ZC3H14: variants seen among roughly 807,000 people sequenced by gnomAD.
ZC3H14 encodes zinc finger CCCH-type containing 14, also known as zinc finger CCCH domain-containing protein 14.
ZC3H14 carries 31 observed loss-of-function variants against 92.4 expected under a neutral mutation model. That is an observed-to-expected ratio of 0.34 (90% CI 0.25 to 0.45). ZC3H14 has a LOEUF of 0.45. ZC3H14 is among the 20% of genes least tolerant of loss of function. The pLI is 1.00. For synonymous variants in ZC3H14, 321 were observed against 300.9 expected, an observed-to-expected ratio of 1.07 and a Z score of -0.69; for missense variants, 781 against 897.3, an observed-to-expected ratio of 0.87 and a Z score of 1.66.
At chr14:88,611,489 C>T (rs2086743865) in intron 16 of ZC3H14, among the ~76,000 whole-genome samples, 1 of 152,262 alleles carries the variant, frequency 6.6e-6, no homozygotes, top group Non-Finnish European at 1.5e-5. Flanking sequence ...CATCCATTTT[C>T]TTCGACATTA....
chr14:88,609,579 G>T, intron 14 of ZC3H14, 133 bp from the exon 15 acceptor site: 1 of 1,361,122 alleles, frequency 7.3e-7, no homozygotes, highest in South Asian at 1.2e-5. Flanking sequence ...GAAGTATTTT[G>T]ACTAGTGAAT....
chr14:88,571,894 T>C, intron 4 of ZC3H14, 136 bp from the exon 5 acceptor site: 1 of 582,864 alleles, frequency 1.7e-6, no homozygotes, highest in Non-Finnish European at 2.7e-6. Context: ...AACCAGGGAT[T>C]TGGAGGTTGC....
intron 12 of ZC3H14, among the ~76,000 whole-genome samples, chr14:88,604,623 T>G (rs2085099179): frequency 6.8e-6 from 1 of 146,796 alleles, no homozygotes; most frequent in African/African-American, 2.5e-5. Flanking sequence ...TGAGATAGAG[T>G]CTCTCTGTCC....
rs766543804 is a variant in ZC3H14 at position 88,610,928 on chromosome 14, G to A, written c.2192G>A (p.Arg731Gln). The change falls in exon 16 of 17, where the codon CGA (arginine) becomes CAA (glutamine). Residue 731 changes from arginine to glutamine, a missense_variant. Arg to Gln is a conservative substitution (Grantham distance 43). Transcript: ENST00000251038. The part of the protein sequence containing the change: ...VPPRHALKWI[R>Q]PQTSE Reference sequence around the variant, plus strand: ...CCACGACATGCCTTGAAATGGATTCGACCTCAAACCAGGTAAACATTCAAA... The same window carrying A: ...CCACGACATGCCTTGAAATGGATTCAACCTCAAACCAGGTAAACATTCAAA... 5.0e-6 allele frequency: 8 copies of A among 1,613,914 alleles called. 1 individual carries two copies. Among genetic ancestry groups the A allele is most frequent in the South Asian group, 2.2e-5 (2 of 91,076 alleles).
At chr14:88,582,538 T>C (rs1034732310) in intron 9 of ZC3H14, among the ~76,000 whole-genome samples, 6 of 152,214 alleles carry the variant, frequency 3.9e-5, no homozygotes, top group Non-Finnish European at 5.9e-5. Flanking sequence ...AAAAAGCACA[T>C]AGTGGTTGCT....
In ZC3H14 at chr14:88,615,168, G is replaced by GT. The variant is rs1343237602; in HGVS notation, c.*3418dup. On this transcript the variant is annotated 3_prime_UTR_variant, in exon 17 of 17. Coordinates refer to ENST00000251038, the MANE Select transcript of ZC3H14 (RefSeq NM_024824.5). ...ATGGCTCGAAAATGAAAATGGAAAT[G>GT]TAGCAGCCATATACTGCTAACTTTG... is the stretch of plus-strand genomic sequence containing the variant. 1.3e-5 allele frequency: 2 copies of GT among 152,152 alleles called. No homozygotes were observed. Among genetic ancestry groups the GT allele is most frequent in the African/African-American group, 4.8e-5 (2 of 41,434 alleles). The allele number at this position is 152,152 out of a possible 1,614,324, so 9.4% of individuals were successfully genotyped here.
rs181882369 is a variant in ZC3H14 at position 88,583,397 on chromosome 14, T to C, written c.1279+5257T>C. On this transcript the variant is annotated intron_variant, in intron 9 of 16. Transcript: ENST00000251038. Reference sequence around the variant, plus strand: ...CCTCCCAAAGTGCTAGGTTTACAGGTGTGAGCCACTGCACCTGGCCCGACT... The same window carrying C: ...CCTCCCAAAGTGCTAGGTTTACAGGCGTGAGCCACTGCACCTGGCCCGACT... Among the ~76,000 whole-genome samples, 161 of 152,206 alleles carry C rather than the reference T, an allele frequency of 1.1e-3. 2 individuals carry two copies. The East Asian group carries it at 0.023, about 22-fold the overall frequency.
intron 2 of ZC3H14, 53 bp downstream of exon 2, chr14:88,563,746 A>G: frequency 1.3e-6 from 2 of 1,548,392 alleles, no homozygotes; most frequent in Non-Finnish European, 1.8e-6. Context: ...TGCAGCTAAT[A>G]GAATTTTAGT....
intron 12 of ZC3H14, among the ~76,000 whole-genome samples, chr14:88,603,980 T>C (rs2084981040): frequency 6.6e-6 from 1 of 152,192 alleles, no homozygotes; most frequent in Non-Finnish European, 1.5e-5. Flanking sequence ...TGTCGTGGTT[T>C]TGATTAGTGG....
rs1274310250 is a variant in ZC3H14, at chr14:88,618,696, CT to C, written c.*6947del. 6.2e-7 allele frequency: 1 copy of C among 1,612,112 alleles called. No homozygotes were observed. The highest frequency in any genetic ancestry group is 8.5e-7 in the Non-Finnish European group (1 of 1,179,172). On this transcript the variant is annotated 3_prime_UTR_variant, in exon 17 of 17. Coordinates refer to ENST00000251038, the MANE Select transcript of ZC3H14 (RefSeq NM_024824.5). ...AGAGAAGTCCATTTGAATGACAAAG[CT>C]TGGAATGTCTTTGCAGTAGCTGATT...
At chr14:88,611,194 T>G (rs552497656) in intron 16 of ZC3H14, among the ~76,000 whole-genome samples, 1 of 152,238 alleles carries the variant, frequency 6.6e-6, no homozygotes, top group East Asian at 1.9e-4. Context: ...CACACTATCA[T>G]AGCTCACTGC....
At chr14:88,581,453 C>T (rs149516748) in intron 9 of ZC3H14, among the ~76,000 whole-genome samples, 18 of 152,066 alleles carry the variant, frequency 1.2e-4, no homozygotes, top group African/African-American at 2.7e-4. Context: ...CCTAGCTACT[C>T]GGGAGGCTGA....
intron 4 of ZC3H14, among the ~76,000 whole-genome samples, chr14:88,571,801 T>C (rs2080436165): frequency 1.3e-5 from 2 of 152,066 alleles, no homozygotes; most frequent in African/African-American, 4.8e-5. Flanking sequence ...CCGTCTCTAC[T>C]AAAAATACAA....
chr14:88,586,043 C>G lies in ZC3H14; in HGVS notation c.1279+7903C>G, dbSNP rs183541072. Among the ~76,000 whole-genome samples the G allele has an allele frequency of 5.7e-3, 869 of 152,250 alleles. 4 individuals carry two copies. The highest frequency in any genetic ancestry group is 9.1e-3 in the Non-Finnish European group (622 of 68,028). On this transcript the variant is annotated intron_variant, in intron 9 of 16. Coordinates refer to ENST00000251038, the MANE Select transcript of ZC3H14 (RefSeq NM_024824.5). ...ATTAGCCAGGCATGGTGGCACACAC[C>G]TGTAGTCCCAGCTACTCAGGAGGCT...
chr14:88,582,071 A>T (rs1266110863), intron 9 of ZC3H14, among the ~76,000 whole-genome samples: 1 of 152,226 alleles, frequency 6.6e-6, no homozygotes, highest in Admixed American at 6.5e-5. Context: ...GTTGCAACAG[A>T]CCATATAGCT....
chr14:88,578,209 G>C (rs2081413729), intron 9 of ZC3H14, 69 bp downstream of exon 9: 6 of 1,559,156 alleles, frequency 3.8e-6, no homozygotes, highest in Middle Eastern at 1.7e-4. Context: ...TTTTCCAATG[G>C]ATTTTTATGA....
At chr14:88,563,475 G>T in intron 1 of ZC3H14, 176 bp from the exon 2 acceptor site, 1 of 1,483,704 alleles carries the variant, frequency 6.7e-7, no homozygotes, top group South Asian at 1.3e-5. Context: ...GCGGGGCTGG[G>T]GCTGGAGCTG....
chr14:88,569,320 C>T (rs772927247), intron 3 of ZC3H14, among the ~76,000 whole-genome samples: 12 of 152,150 alleles, frequency 7.9e-5, no homozygotes, highest in Non-Finnish European at 1.6e-4. Flanking sequence ...ACTTTTTAAG[C>T]TTTTTGTTAA....
Position 88,615,973 on chromosome 14 carries a change from T to C in ZC3H14, c.*4222T>C. 1 of 1,295,948 alleles carries C rather than the reference T, an allele frequency of 7.7e-7. No homozygotes were observed. Among genetic ancestry groups the C allele is most frequent in the Admixed American group, 2.2e-5 (1 of 45,520 alleles). The allele number at this position is 1,295,948 out of a possible 1,614,324, so 80.3% of individuals were successfully genotyped here. A position where few individuals can be genotyped will look rare whatever the true frequency, so the allele number is the denominator to read the frequency against. Reference sequence around the variant, plus strand: ...TGTAATATTTTTCCTCTTTAACTCCTTTTATTCTGTATTTGCATAAATATG... The same window carrying C: ...TGTAATATTTTTCCTCTTTAACTCCCTTTATTCTGTATTTGCATAAATATG... On this transcript the variant is annotated 3_prime_UTR_variant, in exon 17 of 17. Coordinates refer to ENST00000251038, the MANE Select transcript of ZC3H14 (RefSeq NM_024824.5).
Sources: allele counts gnomAD v4.1 joint callset (sites outside exome capture counted in the v4.1 genomes callset), GRCh38; gene constraint gnomAD v4.1.1; transcripts MANE v1.5; gene names NCBI Gene and HGNC (gene_info 2026-07-23, HGNC 2026-07-21).